Variants in CPXM2 observed in about 807,000 individuals in gnomAD.
CPXM2 encodes carboxypeptidase X, M14 family member 2, also known as inactive carboxypeptidase-like protein X2.
CPXM2 carries 66 observed loss-of-function variants against 86.1 expected under a neutral mutation model. The ratio of observed to expected loss-of-function variants is 0.77; its 90% CI spans 0.63 to 0.94. The LOEUF is 0.94. Among genes scored for constraint, CPXM2 ranks in the 40% least tolerant of loss-of-function variants. CPXM2 has a pLI of 0.00. For synonymous variants in CPXM2, 388 were observed against 400.2 expected (o/e 0.97, Z 0.36); for missense variants, 948 against 1,026.3 (o/e 0.92, Z 1.04).
chr10:123,817,323 C>G (rs12218435), intron 4 of CPXM2, among the ~76,000 whole-genome samples: 50,643 of 151,810 alleles, frequency 0.33, 8,763 homozygotes, highest in East Asian at 0.49. Context: ...AGAAGATAGG[C>G]ATGCTGTCTG....
chr10:123,804,526 T>C (rs75167433), intron 4 of CPXM2, among the ~76,000 whole-genome samples: 2,922 of 152,294 alleles, frequency 0.019, 92 homozygotes, highest in African/African-American at 0.063. Flanking sequence ...TGTAGACACA[T>C]AGATGCTTTT....
intron 8 of CPXM2, among the ~76,000 whole-genome samples, chr10:123,768,974 C>T (rs1454379513): frequency 6.6e-6 from 1 of 152,140 alleles, no homozygotes; most frequent in African/African-American, 2.4e-5. Context: ...TCCATTTTTA[C>T]GTACCAAGAA....
At chr10:123,854,117 G>C (rs1848655851) in intron 3 of CPXM2, among the ~76,000 whole-genome samples, 1 of 151,264 alleles carries the variant, frequency 6.6e-6, no homozygotes, top group Admixed American at 6.6e-5. Context: ...AGCAGGGCAG[G>C]TGCCCTGGGG....
At chr10:123,880,392 GCACAGCAGC>G in intron 1 of CPXM2, 83 bp from the exon 2 acceptor site, 1 of 717,490 alleles carries the variant, frequency 1.4e-6, no homozygotes, top group East Asian at 2.5e-5. Context: ...GTCCTCTCCT[GCACAGCAGC>G]CATCTCCCCT....
chr10:123,909,719 A>G (rs1945473052), intron 2 of CPXM2, among the ~76,000 whole-genome samples: 1 of 152,234 alleles, frequency 6.6e-6, no homozygotes, highest in Non-Finnish European at 1.5e-5. Context: ...TCAACAAGTC[A>G]TAATGCTTTC....
Position 123,891,339 on chromosome 10 carries a change from C to A in CPXM2, c.304+17G>T, listed in dbSNP as rs751002259. On this transcript the variant is annotated intron_variant, in intron 1 of 13. Coordinates refer to ENST00000241305, the MANE Select transcript of CPXM2 (RefSeq NM_198148.3). The surrounding 1 kb of genome is among the most constrained non-coding windows in gnomAD (Gnocchi z 5.6). ...ACCGGCGCCCCCTCGGGCTGCCCAG[C>A]GCAGAAAGTTCCTTACCTGGTGGAG... is the stretch of plus-strand genomic sequence containing the variant. 1.3e-6 allele frequency: 2 copies of A among 1,506,126 alleles called. No individual in the cohort carries two copies. Among genetic ancestry groups the A allele is most frequent in the Non-Finnish European group, 1.8e-6 (2 of 1,128,862 alleles). The allele number at this position is 1,506,126 out of a possible 1,614,324, so 93.3% of individuals were successfully genotyped here.
At chr10:123,905,992 A>C (rs956804956) in intron 2 of CPXM2, among the ~76,000 whole-genome samples, 6 of 151,616 alleles carry the variant, frequency 4.0e-5, no homozygotes, top group African/African-American at 1.5e-4. Context: ...CGGTCTGTCC[A>C]CTCTTCCTTC....
At chr10:123,762,243 T>G in intron 10 of CPXM2, 74 bp from the exon 11 acceptor site, 1 of 1,594,296 alleles carries the variant, frequency 6.3e-7, no homozygotes, top group South Asian at 1.1e-5. Context: ...AACAGGGACA[T>G]AGTCGAAAAA....
At chr10:123,935,521 A>G (rs1945707526) in intron 2 of CPXM2, among the ~76,000 whole-genome samples, 1 of 152,234 alleles carries the variant, frequency 6.6e-6, no homozygotes. Flanking sequence ...AACTGGGGAC[A>G]GACCTCACAG....
rs1014387253 is a variant in CPXM2 at position 123,866,579 on chromosome 10, A to AT, written c.404-3857_404-3856insA. 1.4e-4 allele frequency among the ~76,000 whole-genome samples: 20 copies of AT among 143,810 alleles called. No homozygotes were observed. The East Asian group carries it at 1.8e-3, about 13-fold the overall frequency. The allele number at this position is 143,810 out of a possible 152,430, so 94.3% of individuals were successfully genotyped here. ...GACACTGTCTCAAAAAAAAAAAAAAAGTTTAAACTCAGACGACTTGCTTGT... is the reference window on the plus strand; with the variant it reads ...GACACTGTCTCAAAAAAAAAAAAAAATGTTTAAACTCAGACGACTTGCTTGT... On this transcript the variant is annotated intron_variant, in intron 2 of 13. Transcript: ENST00000241305.
chr10:123,817,815 C>T (rs1033803103), intron 4 of CPXM2, among the ~76,000 whole-genome samples: 3 of 152,156 alleles, frequency 2.0e-5, no homozygotes, highest in African/African-American at 4.8e-5. Context: ...GCAGGCACCA[C>T]CCGAAAGTAG....
At chr10:123,827,868 A>C (rs1025618489) in intron 4 of CPXM2, among the ~76,000 whole-genome samples, 25 of 152,220 alleles carry the variant, frequency 1.6e-4, no homozygotes, top group African/African-American at 5.3e-4. Context: ...GGAACAGAAC[A>C]GAAAAATAAA....
Position 123,831,954 on chromosome 10 carries a change from C to T in CPXM2, c.653+10395G>A, listed in dbSNP as rs1236839740. On this transcript the variant is annotated intron_variant, in intron 4 of 13. Coordinates refer to ENST00000241305, the MANE Select transcript of CPXM2 (RefSeq NM_198148.3). ...GTGGGTGGAGGCCGGGGGTGGGGGG[C>T]GTGCCAGGGGGTGGGGGTTGTGGGG... Among the ~76,000 whole-genome samples the T allele has an allele frequency of 2.9e-4, 6 of 20,854 alleles. 1 individual carries two copies. Among genetic ancestry groups the T allele is most frequent in the South Asian group, 2.7e-3 (2 of 730 alleles). The allele number at this position is 20,854 out of a possible 152,430, so 13.7% of individuals were successfully genotyped here. A position where few individuals can be genotyped will look rare whatever the true frequency, so the allele number is the denominator to read the frequency against.
intron 2 of CPXM2, among the ~76,000 whole-genome samples, chr10:123,928,871 T>C (rs1339841407): frequency 1.3e-5 from 2 of 152,218 alleles, no homozygotes; most frequent in African/African-American, 4.8e-5. Flanking sequence ...ACAAAATCCA[T>C]GGCCGTTGAA....
At chr10:123,850,450 G>A (rs1848576026) in intron 3 of CPXM2, among the ~76,000 whole-genome samples, 1 of 152,184 alleles carries the variant, frequency 6.6e-6, no homozygotes. Flanking sequence ...ATGCCATTCT[G>A]GGTAGGGTGA....
At chr10:123,747,576 T>C (rs1845994349) in intron 13 of CPXM2, among the ~76,000 whole-genome samples, 1 of 152,148 alleles carries the variant, frequency 6.6e-6, no homozygotes, top group African/African-American at 2.4e-5. Flanking sequence ...GGGCCATCTA[T>C]ACATGGACGC....
In CPXM2 at chr10:123,930,437, G is replaced by A. The variant is rs76082877; in HGVS notation, n.174+9040C>T. Among the ~76,000 whole-genome samples the A allele has an allele frequency of 3.5e-3, 538 of 152,302 alleles. 1 individual carries two copies. The highest frequency in any genetic ancestry group is 5.8e-3 in the Non-Finnish European group (396 of 68,030). ...TGGGCGTGAAACATTCCAAAGGAAC[G>A]CAGTTCTCCCTGTGCCAGGGACCAG... On this transcript the variant is annotated intron_variant and non_coding_transcript_variant, in intron 2 of 19. Transcript: ENST00000368854.
At position 123,919,053 on chromosome 10, in the gene CPXM2, C is replaced by T. The variant is rs527875389; in HGVS notation, n.174+20424G>A. On this transcript the variant is annotated intron_variant and non_coding_transcript_variant, in intron 2 of 19. Transcript: ENST00000368854. The stretch of plus-strand genomic sequence containing the variant: ...AGAGAGCCCCTAAATCTGTTTGAAG[C>T]CCACAGCTCCTCTCTGAGCTGTGCA... Among the ~76,000 whole-genome samples, 29 of 152,116 alleles carry T rather than the reference C, an allele frequency of 1.9e-4. No individual in the cohort carries two copies. In the South Asian group the frequency reaches 5.8e-3, roughly 30 times the overall value.
In CPXM2 at chr10:123,754,160, C is replaced by T. The variant is rs1421361998; in HGVS notation, c.2017+503G>A. 3.3e-5 allele frequency among the ~76,000 whole-genome samples: 5 copies of T among 152,210 alleles called. No homozygotes were observed. Among genetic ancestry groups the T allele is most frequent in the Non-Finnish European group, 7.3e-5 (5 of 68,038 alleles). On this transcript the variant is annotated intron_variant, in intron 13 of 13. Coordinates refer to ENST00000241305, the MANE Select transcript of CPXM2 (RefSeq NM_198148.3). The surrounding 1 kb of genome is among the most constrained non-coding windows in gnomAD (Gnocchi z 4.0). ...TTCCTGTGCTTTAATGGAAAAAGTG[C>T]ATCCTCTCTGGCCAGTCCCAACCCA... is the stretch of plus-strand genomic sequence containing the variant.
Sources: gnomAD v4.1 joint callset for allele counts (sites outside exome capture counted in the v4.1 genomes callset) on GRCh38, gnomAD v4.1.1 for gene constraint, Gnocchi (gnomAD v3.1) non-coding constraint, MANE v1.5 for transcripts, NCBI Gene and HGNC (gene_info 2026-07-23, HGNC 2026-07-21) for gene names.